The following EXOSC2 variants were observed in gnomAD, a reference collection of about 807,000 sequenced individuals.
The protein encoded by EXOSC2 is exosome complex component RRP4.
A neutral mutation model predicts 37.6 loss-of-function variants in EXOSC2; 29 were observed. The ratio of observed to expected loss-of-function variants is 0.77; its 90% confidence interval spans 0.57 to 1.05. The LOEUF (loss-of-function observed/expected upper bound fraction) is 1.05, where lower values mean the gene tolerates loss of function less well. Among genes scored for constraint, EXOSC2 ranks in the 50% least tolerant of loss-of-function variants. The pLI, the probability that EXOSC2 is intolerant of heterozygous loss-of-function variation, is 0.00. For missense variants in EXOSC2, 346 were observed against 365.6 expected, an observed-to-expected ratio of 0.95 and a Z score of 0.44; for synonymous variants, 119 against 131.1, an observed-to-expected ratio of 0.91 and a Z score of 0.63.
chr9:130,695,345 G>A (rs1353736784), intron 1 of EXOSC2, 147 bp from the exon 2 acceptor site: 2 of 678,140 alleles, frequency 2.9e-6, no homozygotes, highest in African/African-American at 1.8e-5. Flanking sequence ...TGGAGAAGGA[G>A]CACTGAAGGC....
In EXOSC2 at chr9:130,693,932, G is replaced by T; in HGVS notation, c.122+19G>T. On this transcript the variant is annotated intron_variant, in intron 1 of 8. Transcript: ENST00000372358. ...TCATGCGGTACGTGGGGACTTGGGGGAGTCGAGGCTTCAGAGAGCGGCTTC... is the reference window on the plus strand; with the variant it reads ...TCATGCGGTACGTGGGGACTTGGGGTAGTCGAGGCTTCAGAGAGCGGCTTC... The T allele has an allele frequency of 6.3e-7, 1 of 1,583,584 alleles. No individual in the cohort carries two copies. Among genetic ancestry groups the T allele is most frequent in the Non-Finnish European group, 8.6e-7 (1 of 1,158,084 alleles).
chr9:130,699,098 T>C (rs1340009517), intron 4 of EXOSC2, among the ~76,000 whole-genome samples: 1 of 152,138 alleles, frequency 6.6e-6, no homozygotes, highest in East Asian at 1.9e-4. Context: ...TGAATGTTCC[T>C]CAGAGAAGGG....
In EXOSC2 at chr9:130,694,296, A is replaced by G. The variant is rs978649905; in HGVS notation, c.122+383A>G. On this transcript the variant is annotated intron_variant, in intron 1 of 8. Coordinates refer to ENST00000372358, the MANE Select transcript of EXOSC2 (RefSeq NM_014285.7). The surrounding 1 kb of genome is among the most constrained non-coding windows in gnomAD (Gnocchi z 4.0). Reference sequence around the variant, plus strand: ...GGGCGTTCTTGGCTGCCTCCTCTTCAGTTTAGAATCCGTAATTGTTCGATC... The same window carrying G: ...GGGCGTTCTTGGCTGCCTCCTCTTCGGTTTAGAATCCGTAATTGTTCGATC... 3.3e-5 allele frequency among the ~76,000 whole-genome samples: 5 copies of G among 152,028 alleles called. No homozygotes were observed. Among genetic ancestry groups the G allele is most frequent in the Non-Finnish European group, 7.4e-5 (5 of 68,012 alleles).
intron 2 of EXOSC2, 139 bp downstream of exon 2, chr9:130,695,732 G>C: frequency 2.8e-6 from 2 of 702,072 alleles, no homozygotes; most frequent in South Asian, 3.4e-5. Flanking sequence ...CATGACTGTA[G>C]GTGGGGTGGT....
chr9:130,699,217 G>T, intron 4 of EXOSC2, 112 bp from the exon 5 acceptor site: 1 of 1,062,108 alleles, frequency 9.4e-7, no homozygotes, highest in South Asian at 1.3e-5. Flanking sequence ...ATAGTTCTCA[G>T]TGCTTGAATA....
At chr9:130,695,456 C>T in intron 1 of EXOSC2, 36 bp from the exon 2 acceptor site, 1 of 1,566,922 alleles carries the variant, frequency 6.4e-7, no homozygotes, top group Non-Finnish European at 8.8e-7. Context: ...TCGAGTTACC[C>T]TCGTATCCTT....
At chr9:130,702,021 T>C (rs1431017745) in intron 6 of EXOSC2, 113 bp from the exon 7 acceptor site, 1 of 1,466,574 alleles carries the variant, frequency 6.8e-7, no homozygotes, top group Non-Finnish European at 9.0e-7. Context: ...CGACAGCAAT[T>C]ATAAACAGGA....
intron 5 of EXOSC2, chr9:130,699,832 C>G (rs916213692): frequency 6.3e-6 from 1 of 159,930 alleles, no homozygotes; most frequent in Admixed American, 6.1e-5. Context: ...CAAGACCCCC[C>G]TCTCTACAAA....
intron 2 of EXOSC2, among the ~76,000 whole-genome samples, chr9:130,697,373 A>G (rs980657613): frequency 2.0e-5 from 3 of 152,234 alleles, no homozygotes; most frequent in African/African-American, 4.8e-5. Context: ...TGATATGTCT[A>G]AGGATAGTTA....
chr9:130,701,589 G>A, intron 6 of EXOSC2: 6 of 986,708 alleles, frequency 6.1e-6, no homozygotes, highest in Non-Finnish European at 6.0e-6. Flanking sequence ...GGAGTAGGCA[G>A]AGGACTGCTG....
intron 2 of EXOSC2, among the ~76,000 whole-genome samples, chr9:130,697,083 C>T (rs1041326469): frequency 4.6e-5 from 7 of 152,040 alleles, no homozygotes; most frequent in African/African-American, 1.2e-4. Flanking sequence ...ATTGAGTGGC[C>T]GAAAAGTGAA....
intron 3 of EXOSC2, chr9:130,697,951 G>C: frequency 5.4e-6 from 3 of 554,204 alleles, no homozygotes; most frequent in Non-Finnish European, 6.5e-6. Flanking sequence ...CCGCCACCAC[G>C]CCCAGCTAAT....
At chr9:130,700,440 A>G (rs935466712) in intron 5 of EXOSC2, among the ~76,000 whole-genome samples, 1 of 150,538 alleles carries the variant, frequency 6.6e-6, no homozygotes, top group African/African-American at 2.5e-5. Flanking sequence ...GCTCACTGCA[A>G]CCTCTGCCTC....
At chr9:130,700,226 CCAGGCTGGT>C (rs2132637114) in intron 5 of EXOSC2, among the ~76,000 whole-genome samples, 2 of 152,028 alleles carry the variant, frequency 1.3e-5, no homozygotes, top group African/African-American at 4.8e-5. Flanking sequence ...ACCATATTGG[CCAGGCTGGT>C]CTCAAACTCC....
intron 8 of EXOSC2, 88 bp downstream of exon 8, chr9:130,703,269 C>T: frequency 1.4e-6 from 2 of 1,450,062 alleles, no homozygotes; most frequent in South Asian, 1.3e-5. Flanking sequence ...CTCCCCAATA[C>T]TTTCCCAACA....
rs943010524 is a variant in EXOSC2 at position 130,694,719 on chromosome 9, A to AT, written c.123-764dup. ...GTTTAAGGTTAGTGGATACCAGGAAATTTTTTTTTCTTTTTTGAGACGGAG... is the reference window on the plus strand; with the variant it reads ...GTTTAAGGTTAGTGGATACCAGGAAATTTTTTTTTTCTTTTTTGAGACGGAG... On this transcript the variant is annotated intron_variant, in intron 1 of 8. Coordinates refer to ENST00000372358, the MANE Select transcript of EXOSC2 (RefSeq NM_014285.7). The surrounding 1 kb of genome is among the most constrained non-coding windows in gnomAD (Gnocchi z 4.0). Among the ~76,000 whole-genome samples, 6 of 151,554 alleles carry AT rather than the reference A, an allele frequency of 4.0e-5. No homozygotes were observed. The highest frequency in any genetic ancestry group is 2.9e-5 in the Non-Finnish European group (2 of 67,846).
At chr9:130,701,703 C>T (rs147574568) in intron 6 of EXOSC2, 9 of 856,360 alleles carry the variant, frequency 1.1e-5, no homozygotes, top group Middle Eastern at 5.9e-4. Context: ...CACCCAGCTC[C>T]ACCCATCTCC....
At position 130,704,754 on chromosome 9, in the gene EXOSC2, T is replaced by G. The variant is rs1588203200; in HGVS notation, c.*980T>G. ...AAAATAAGCAAAGAAAAATGGAGACTGGGAAAGCAAAGCTGTTTTCATCCT... is the reference window on the plus strand; with the variant it reads ...AAAATAAGCAAAGAAAAATGGAGACGGGGAAAGCAAAGCTGTTTTCATCCT... On this transcript the variant is annotated 3_prime_UTR_variant, in exon 9 of 9. Transcript: ENST00000372358. 6.6e-6 allele frequency: 1 copy of G among 152,238 alleles called. No homozygotes were observed. Among genetic ancestry groups the G allele is most frequent in the Non-Finnish European group, 1.5e-5 (1 of 68,010 alleles). 9.4% of individuals were successfully genotyped at this position (152,238 alleles called of 1,614,324 possible).
At chr9:130,696,514 C>G (rs1215823943) in intron 2 of EXOSC2, among the ~76,000 whole-genome samples, 1 of 152,046 alleles carries the variant, frequency 6.6e-6, no homozygotes, top group Non-Finnish European at 1.5e-5. Context: ...AGGGACCATA[C>G]TCATGATCTG....
Sources: gnomAD v4.1 joint callset for allele counts (sites outside exome capture counted in the v4.1 genomes callset) on GRCh38, gnomAD v4.1.1 for gene constraint, Gnocchi (gnomAD v3.1) non-coding constraint, MANE v1.5 for transcripts, NCBI Gene and HGNC (gene_info 2026-07-23, HGNC 2026-07-21) for gene names.